The following DPYD variants were observed in gnomAD, a reference collection of about 807,000 sequenced individuals.
The protein encoded by DPYD is dihydropyrimidine dehydrogenase [NADP(+)].
DPYD carries 109 observed loss-of-function variants against 116.2 expected under a neutral mutation model. That is an observed-to-expected ratio of 0.94 (90% confidence interval 0.80 to 1.10). The LOEUF (loss-of-function observed/expected upper bound fraction) is 1.10, where lower values mean the gene tolerates loss of function less well. DPYD is among the 50% of genes least tolerant of loss of function. The pLI, the probability that DPYD is intolerant of heterozygous loss-of-function variation, is 0.00. For missense variants in DPYD, 1,302 were observed against 1,254.5 expected (o/e 1.04, Z -0.57); for synonymous variants, 440 against 432.0 (o/e 1.02, Z -0.23).
chr1:97,364,648 C>T (rs1454013166), intron 16 of DPYD, among the ~76,000 whole-genome samples: 1 of 151,922 alleles, frequency 6.6e-6, no homozygotes, highest in Non-Finnish European at 1.5e-5. Flanking sequence ...AAGATCTCTG[C>T]AATATAAACA....
At chr1:97,183,007 T>A (rs1490325405) in intron 20 of DPYD, among the ~76,000 whole-genome samples, 3 of 152,168 alleles carry the variant, frequency 2.0e-5, no homozygotes, top group African/African-American at 7.2e-5. Flanking sequence ...CTTAATTGTA[T>A]CTTTTGATGA....
In DPYD at chr1:97,787,313, C is replaced by A. The variant is rs115496490; in HGVS notation, c.233+40801G>T. On this transcript the variant is annotated intron_variant, in intron 3 of 22. Coordinates refer to ENST00000370192, the MANE Select transcript of DPYD (RefSeq NM_000110.4). ...AAAATGAAATAAGTGAGACTTTTAT[C>A]CTAAACAGTGAAATAGATCATAATG... 2.7e-3 allele frequency among the ~76,000 whole-genome samples: 417 copies of A among 152,198 alleles called. 2 individuals carry two copies. The highest frequency in any genetic ancestry group is 8.9e-3 in the African/African-American group (371 of 41,524).
At chr1:97,908,785 T>C (rs922712439) in intron 1 of DPYD, among the ~76,000 whole-genome samples, 1 of 152,128 alleles carries the variant, frequency 6.6e-6, no homozygotes, top group African/African-American at 2.4e-5. Flanking sequence ...AGCGTATCAC[T>C]GGTGTTTTCA....
chr1:97,493,884 C>A (rs1433596207), intron 13 of DPYD, among the ~76,000 whole-genome samples: 5 of 152,006 alleles, frequency 3.3e-5, no homozygotes. Context: ...CATCTGGAAG[C>A]AAAAAACTCT....
intron 7 of DPYD, among the ~76,000 whole-genome samples, chr1:97,686,998 C>T (rs1364814084): frequency 6.6e-6 from 1 of 152,076 alleles, no homozygotes; most frequent in Non-Finnish European, 1.5e-5. Context: ...AGGCCAGGCA[C>T]GGTGGCTCAT....
At chr1:97,491,337 G>A (rs1400904680) in intron 13 of DPYD, among the ~76,000 whole-genome samples, 3 of 151,506 alleles carry the variant, frequency 2.0e-5, no homozygotes, top group Non-Finnish European at 2.9e-5. Flanking sequence ...TGGGATATAA[G>A]TGCACAGGAA....
At chr1:97,269,958 C>G (rs988253969) in intron 18 of DPYD, among the ~76,000 whole-genome samples, 1 of 152,130 alleles carries the variant, frequency 6.6e-6, no homozygotes, top group Non-Finnish European at 1.5e-5. Context: ...TGCCCAAATT[C>G]CCTCTGAAAA....
At chr1:97,248,688 G>T (rs928200506) in intron 18 of DPYD, among the ~76,000 whole-genome samples, 1 of 151,998 alleles carries the variant, frequency 6.6e-6, no homozygotes, top group Non-Finnish European at 1.5e-5. Flanking sequence ...CAAAACAAGG[G>T]TGAGACTATC....
chr1:97,448,639 T>C (rs1368868345), intron 14 of DPYD, among the ~76,000 whole-genome samples: 1 of 151,274 alleles, frequency 6.6e-6, no homozygotes, highest in Non-Finnish European at 1.5e-5. Context: ...TTAGTCCTTA[T>C]CATTCTGAGA....
At chr1:97,202,686 C>A (rs938140113) in intron 19 of DPYD, among the ~76,000 whole-genome samples, 7 of 152,232 alleles carry the variant, frequency 4.6e-5, no homozygotes, top group African/African-American at 1.7e-4. Context: ...ATGGCCTGCG[C>A]TGATTAGTCA....
intron 18 of DPYD, among the ~76,000 whole-genome samples, chr1:97,257,452 T>TATATATATAGAGAGAGAGAGAGAGAG (rs375490078): frequency 1.2e-4 from 15 of 126,472 alleles, no homozygotes; most frequent in Admixed American, 2.4e-4. Flanking sequence ...TATATATATA[T>TATATATATAGAGAGAGAGAGAGAGAG]AGAGAGAGAG....
chr1:97,618,071 T>C (rs1212252094), intron 8 of DPYD, among the ~76,000 whole-genome samples: 1 of 152,148 alleles, frequency 6.6e-6, no homozygotes, highest in Non-Finnish European at 1.5e-5. Flanking sequence ...TATGGTACAG[T>C]AGACCCCTTT....
chr1:97,469,077 C>A (rs1677484865), intron 13 of DPYD, among the ~76,000 whole-genome samples: 1 of 152,040 alleles, frequency 6.6e-6, no homozygotes. Context: ...AGATAGTCAC[C>A]ACTAATGTTT....
intron 18 of DPYD, among the ~76,000 whole-genome samples, chr1:97,304,315 C>T (rs879421707): frequency 1.2e-4 from 18 of 152,110 alleles, no homozygotes; most frequent in Non-Finnish European, 2.1e-4. Context: ...CTGATAAAAG[C>T]GAGCTGTGTC....
At chr1:97,424,882 C>T (rs575600996) in intron 14 of DPYD, among the ~76,000 whole-genome samples, 13 of 152,050 alleles carry the variant, frequency 8.5e-5, no homozygotes, top group Non-Finnish European at 1.5e-4. Context: ...CAGCTTCTCA[C>T]ATTACCTTTA....
chr1:97,536,440 C>T (rs1044870793), intron 12 of DPYD, among the ~76,000 whole-genome samples: 12 of 152,098 alleles, frequency 7.9e-5, no homozygotes, highest in Non-Finnish European at 1.8e-4. Context: ...GATTTTAATA[C>T]AGTTGTCATT....
intron 12 of DPYD, among the ~76,000 whole-genome samples, chr1:97,549,138 C>T (rs1167588098): frequency 6.6e-6 from 1 of 151,920 alleles, no homozygotes; most frequent in Non-Finnish European, 1.5e-5. Flanking sequence ...ACGATCATGG[C>T]TTACTGCAGC....
chr1:97,883,570 C>T (rs1672333733), intron 1 of DPYD, among the ~76,000 whole-genome samples, 196 bp from the exon 2 acceptor site: 1 of 151,988 alleles, frequency 6.6e-6, no homozygotes, highest in African/African-American at 2.4e-5. Context: ...CCTTAGTCTC[C>T]CAAGTAGCTC....
chr1:97,767,611 C>T (rs1665935505), intron 3 of DPYD, among the ~76,000 whole-genome samples: 1 of 152,106 alleles, frequency 6.6e-6, no homozygotes, highest in African/African-American at 2.4e-5. Context: ...CCAGACTACT[C>T]TACAGGCAGC....
Sources: allele counts gnomAD v4.1 joint callset (sites outside exome capture counted in the v4.1 genomes callset), GRCh38; gene constraint gnomAD v4.1.1; transcripts MANE v1.5; gene names NCBI Gene and HGNC (gene_info 2026-07-23, HGNC 2026-07-21).